The following PLCG2 variants were observed in gnomAD, a reference collection of about 807,000 sequenced individuals.
PLCG2 encodes phospholipase C gamma 2.
PLCG2 carries 69 observed loss-of-function variants against 175.6 expected under a neutral mutation model. The observed-to-expected ratio is 0.39, with a 90% CI of 0.32 to 0.48. PLCG2 has a LOEUF of 0.48. PLCG2 is among the 20% of genes least tolerant of loss of function. PLCG2 has a pLI of 0.91. For synonymous variants in PLCG2, 827 were observed against 624.0 expected (o/e 1.33, Z -4.85); for missense variants, 1,798 against 1,650.9 (o/e 1.09, Z -1.54).
At chr16:81,769,005 A>G (rs960918126) in intron 2 of PLCG2, among the ~76,000 whole-genome samples, 12 of 152,228 alleles carry the variant, frequency 7.9e-5, no homozygotes, top group African/African-American at 2.9e-4. Flanking sequence ...TGTAGTAGTA[A>G]CTGACATGTG....
intron 2 of PLCG2, among the ~76,000 whole-genome samples, chr16:81,844,686 T>A (rs1421676712): frequency 6.6e-6 from 1 of 152,214 alleles, no homozygotes; most frequent in East Asian, 1.9e-4. Context: ...GTCTATGATC[T>A]GGATTGTGCA....
chr16:81,918,948 C>T (rs967995595), intron 19 of PLCG2, among the ~76,000 whole-genome samples: 1 of 151,482 alleles, frequency 6.6e-6, no homozygotes, highest in Non-Finnish European at 1.5e-5. Flanking sequence ...TCACCGAAGA[C>T]AAGATTTAAT....
rs138407047 is a variant in PLCG2, at chr16:81,813,073, C to T, written c.193+26891C>T. 5.5e-3 allele frequency among the ~76,000 whole-genome samples: 841 copies of T among 152,176 alleles called. 7 individuals are homozygous for T. The highest frequency in any genetic ancestry group is 0.02 in the African/African-American group (812 of 41,504). Reference sequence around the variant, plus strand: ...ACCAGTACCATGCTGTTTTGTTGACCATAGCCTTGTAGTATAGTTTGAAGT... The same window carrying T: ...ACCAGTACCATGCTGTTTTGTTGACTATAGCCTTGTAGTATAGTTTGAAGT... On this transcript the variant is annotated intron_variant, in intron 2 of 32. Coordinates refer to ENST00000564138, the MANE Select transcript of PLCG2 (RefSeq NM_002661.5).
intron 5 of PLCG2, among the ~76,000 whole-genome samples, chr16:81,863,692 G>T (rs143415977): frequency 6.6e-6 from 1 of 152,226 alleles, no homozygotes. Context: ...GCAGTGCACA[G>T]GTTTCTGTTT....
At chr16:81,944,363 A>C (rs1486049504) in intron 30 of PLCG2, among the ~76,000 whole-genome samples, 1 of 152,226 alleles carries the variant, frequency 6.6e-6, no homozygotes, top group Non-Finnish European at 1.5e-5. Flanking sequence ...AATACAGTAT[A>C]ACGATTATTT....
intron 2 of PLCG2, among the ~76,000 whole-genome samples, chr16:81,796,580 G>C (rs1911479267): frequency 6.6e-6 from 1 of 152,214 alleles, no homozygotes; most frequent in African/African-American, 2.4e-5. Flanking sequence ...CCCATACTCA[G>C]AATGTGATCT....
chr16:81,811,204 C>G (rs932617279), intron 2 of PLCG2, among the ~76,000 whole-genome samples: 10 of 152,154 alleles, frequency 6.6e-5, no homozygotes, highest in African/African-American at 2.2e-4. Context: ...GTGTGACTCC[C>G]TCCTTGGGTC....
intron 2 of PLCG2, among the ~76,000 whole-genome samples, chr16:81,854,080 A>G (rs1044674988): frequency 8.2e-5 from 12 of 146,268 alleles, no homozygotes; most frequent in East Asian, 1.9e-4. Context: ...TCTAGTGAGC[A>G]TCAATTTGGT....
intron 2 of PLCG2, among the ~76,000 whole-genome samples, chr16:81,792,480 CA>C (rs532680550): frequency 2.9e-5 from 2 of 70,152 alleles, no homozygotes; most frequent in African/African-American, 1.3e-4. Flanking sequence ...GGCTCTGTCT[CA>C]AAAAAAAAAA....
chr16:81,819,701 C>CA (rs1693365860), intron 2 of PLCG2, among the ~76,000 whole-genome samples: 1 of 152,212 alleles, frequency 6.6e-6, no homozygotes, highest in African/African-American at 2.4e-5. Flanking sequence ...TATCCTGCCT[C>CA]AGCCTCCTGA....
intron 2 of PLCG2, among the ~76,000 whole-genome samples, chr16:81,770,755 G>A (rs1485591065): frequency 4.6e-5 from 7 of 151,980 alleles, no homozygotes; most frequent in African/African-American, 1.4e-4. Flanking sequence ...GAGGTATAAC[G>A]TGCATAAAAT....
intron 29 of PLCG2, among the ~76,000 whole-genome samples, chr16:81,939,164 C>T (rs1310198258): frequency 2.6e-5 from 4 of 152,148 alleles, no homozygotes; most frequent in East Asian, 1.9e-4. Context: ...GAGGCCCTGA[C>T]ACTAGGTTGG....
At chr16:81,874,127 G>A (rs555424549) in intron 7 of PLCG2, among the ~76,000 whole-genome samples, 7 of 152,228 alleles carry the variant, frequency 4.6e-5, no homozygotes, top group East Asian at 1.9e-4. Context: ...GTTTAAATAT[G>A]TTAAAAATTA....
At chr16:81,775,853 T>C (rs574060730), upstream of PLCG2, among the ~76,000 whole-genome samples, 4 of 152,204 alleles carry the variant, frequency 2.6e-5, no homozygotes, top group East Asian at 5.8e-4. Context: ...TTTGTGCATC[T>C]ATGTAGAGTG....
intron 9 of PLCG2, 122 bp from the exon 10 acceptor site, chr16:81,889,050 T>A: frequency 1.6e-6 from 1 of 623,880 alleles, no homozygotes; most frequent in South Asian, 1.9e-5. Context: ...GGTGGTCGAT[T>A]GCAAGTGAAT....
chr16:81,779,731 C>A (rs1484024103), intron 1 of PLCG2, among the ~76,000 whole-genome samples: 1 of 152,108 alleles, frequency 6.6e-6, no homozygotes, highest in Non-Finnish European at 1.5e-5. Flanking sequence ...CGTGTGGGGG[C>A]TGGCGTTCAA....
intron 5 of PLCG2, among the ~76,000 whole-genome samples, chr16:81,865,323 G>A (rs1907175148): frequency 6.6e-6 from 1 of 152,276 alleles, no homozygotes. Context: ...CAGCCTGCCT[G>A]TGCTGGTTTT....
At chr16:81,927,054 C>A in intron 22 of PLCG2, 28 bp from the exon 23 acceptor site, 1 of 1,462,412 alleles carries the variant, frequency 6.8e-7, no homozygotes, top group Non-Finnish European at 9.6e-7. Flanking sequence ...CTGGTGACAG[C>A]GCCCCCATGT....
At chr16:81,866,505 G>A (rs1907243253) in intron 5 of PLCG2, among the ~76,000 whole-genome samples, 1 of 81,132 alleles carries the variant, frequency 1.2e-5, no homozygotes, top group African/African-American at 3.6e-5. Flanking sequence ...CAGCATGAGA[G>A]GACGCTGGCC....
Sources: allele counts gnomAD v4.1 joint callset (sites outside exome capture counted in the v4.1 genomes callset), GRCh38; gene constraint gnomAD v4.1.1; transcripts MANE v1.5; gene names NCBI Gene and HGNC (gene_info 2026-07-23, HGNC 2026-07-21).